Variants in STXBP3 observed in about 807,000 individuals in gnomAD.
STXBP3 encodes the protein syntaxin binding protein 3.
A neutral mutation model predicts 85.7 loss-of-function variants in STXBP3; 41 were observed. The ratio of observed to expected loss-of-function variants is 0.48; its 90% CI spans 0.37 to 0.62. STXBP3 has a LOEUF of 0.62. Among genes scored for constraint, STXBP3 ranks in the 20% least tolerant of loss-of-function variants. The pLI, the probability that STXBP3 is intolerant of heterozygous loss-of-function variation, is 0.00. For synonymous variants in STXBP3, 229 were observed against 231.7 expected, an observed-to-expected ratio of 0.99 and a Z score of 0.10; for missense variants, 563 against 703.1, an observed-to-expected ratio of 0.80 and a Z score of 2.25.
At chr1:108,776,469 A>G in intron 8 of STXBP3, 46 bp downstream of exon 8, 2 of 1,429,376 alleles carry the variant, frequency 1.4e-6, no homozygotes, top group Admixed American at 2.1e-5. Context: ...AGTCTGTCTT[A>G]TTTCTTTATA....
intron 17 of STXBP3, among the ~76,000 whole-genome samples, chr1:108,807,122 C>G (rs1339253770): frequency 6.6e-6 from 1 of 152,152 alleles, no homozygotes; most frequent in East Asian, 1.9e-4. Flanking sequence ...CATGGTGGCA[C>G]ATGCCTGTAA....
At chr1:108,791,926 A>G (rs1054864349) in intron 11 of STXBP3, among the ~76,000 whole-genome samples, 11 of 152,282 alleles carry the variant, frequency 7.2e-5, no homozygotes, top group Admixed American at 6.5e-4. Context: ...ATTTAGCATA[A>G]TGCATTTGAG....
intron 6 of STXBP3, among the ~76,000 whole-genome samples, chr1:108,770,424 G>A (rs1662364024): frequency 6.6e-6 from 1 of 152,138 alleles, no homozygotes; most frequent in East Asian, 1.9e-4. Context: ...CCTGCTGTGG[G>A]ATATTATACT....
intron 11 of STXBP3, among the ~76,000 whole-genome samples, chr1:108,791,621 G>A (rs1168593160): frequency 6.6e-6 from 1 of 151,428 alleles, no homozygotes; most frequent in Non-Finnish European, 1.5e-5. Flanking sequence ...GTTGTATTCA[G>A]TCTGCTATTA....
chr1:108,750,380 A>G (rs1283249025), intron 1 of STXBP3, among the ~76,000 whole-genome samples: 1 of 152,158 alleles, frequency 6.6e-6, no homozygotes. Context: ...GACTTTCACC[A>G]TAATTCTCAT....
At chr1:108,778,735 T>C (rs1767023) in intron 8 of STXBP3, among the ~76,000 whole-genome samples, 107,211 of 152,118 alleles carry the variant, frequency 0.7, 38,782 homozygotes, top group Non-Finnish European at 0.77. Context: ...AAAATAGATA[T>C]AGTGCAAACA....
chr1:108,799,381 A>G (rs903569985), intron 16 of STXBP3, among the ~76,000 whole-genome samples: 11 of 152,164 alleles, frequency 7.2e-5, no homozygotes, highest in African/African-American at 2.2e-4. Flanking sequence ...TCAGTTTACC[A>G]TGGCTAGTAT....
intron 16 of STXBP3, 61 bp from the exon 17 acceptor site, chr1:108,800,159 T>C: frequency 8.2e-7 from 1 of 1,213,290 alleles, no homozygotes; most frequent in Non-Finnish European, 1.2e-6. Flanking sequence ...TTGACCTTTA[T>C]GCCAAACAAA....
Position 108,760,017 on chromosome 1 carries a change from G to C in STXBP3, c.370G>C (p.Ala124Pro). Reference sequence around the variant, plus strand: ...TGATAATCTCTTTAACAAAATTAAGGCTTCTTGCTCCAAGTCAATAAGAAG... The same window carrying C: ...TGATAATCTCTTTAACAAAATTAAGCCTTCTTGCTCCAAGTCAATAAGAAG... ...CPDNLFNKIK[A>P]SCSKSIRRCK... Residue 124 changes from alanine (A) to proline (P), a missense_variant, in exon 6 of 19, where the codon GCT (alanine) becomes CCT (proline). Ala to Pro is a conservative substitution (Grantham distance 27, BLOSUM62 -1). Transcript: ENST00000370008. The C allele has an allele frequency of 1.3e-6, 2 of 1,575,810 alleles. No homozygotes were observed. The highest frequency in any genetic ancestry group is 1.7e-6 in the Non-Finnish European group (2 of 1,165,914).
At chr1:108,765,297 G>T (rs930394239) in intron 6 of STXBP3, among the ~76,000 whole-genome samples, 1 of 152,202 alleles carries the variant, frequency 6.6e-6, no homozygotes, top group Non-Finnish European at 1.5e-5. Context: ...CATCACATGG[G>T]TGCAACCATT....
chr1:108,805,931 A>T (rs17619934), intron 17 of STXBP3, among the ~76,000 whole-genome samples: 12,919 of 152,238 alleles, frequency 0.085, 774 homozygotes, highest in Non-Finnish European at 0.12. Context: ...TTGCTATGAG[A>T]TCCTATACTG....
intron 3 of STXBP3, among the ~76,000 whole-genome samples, chr1:108,754,033 CTT>C (rs35931069): frequency 1.0e-4 from 14 of 133,746 alleles, no homozygotes; most frequent in Admixed American, 7.6e-5. Flanking sequence ...ATAAAATAAT[CTT>C]TTTTTTTTTT....
intron 6 of STXBP3, chr1:108,767,362 G>T: frequency 4.1e-6 from 1 of 241,016 alleles, no homozygotes. Flanking sequence ...TCCTCCCATT[G>T]TGAAGTCCTT....
chr1:108,808,654 CT>C, intron 18 of STXBP3, 128 bp from the exon 19 acceptor site: 2 of 730,486 alleles, frequency 2.7e-6, no homozygotes, highest in East Asian at 2.6e-5. Flanking sequence ...AGGAAGATGT[CT>C]TACAGAAATT....
chr1:108,764,701 AGTGT>A (rs1662220594), intron 6 of STXBP3, among the ~76,000 whole-genome samples: 1 of 152,128 alleles, frequency 6.6e-6, no homozygotes, highest in Non-Finnish European at 1.5e-5. Context: ...TCTTTTGAAA[AGTGT>A]TGATATCCTT....
intron 8 of STXBP3, 120 bp from the exon 9 acceptor site, chr1:108,779,165 GT>G: frequency 1.9e-6 from 2 of 1,055,190 alleles, no homozygotes; most frequent in Non-Finnish European, 2.7e-6. Context: ...TCTGTTGTAT[GT>G]TTTTGGTGGG....
Position 108,794,866 on chromosome 1 carries a change from A to G in STXBP3, c.1069A>G (p.Lys357Glu). Residue 357 changes from lysine (K) to glutamate (E), a missense_variant, in exon 13 of 19, where the codon AAG becomes GAG. Physicochemically the swap from Lys to Glu is moderately conservative, Grantham distance 56. Transcript: ENST00000370008. ...HLNLAEDCMN[K>E]FKLNIEKLCK... is the part of the protein sequence containing the mutation. ...TAACTTAGCAGAAGATTGCATGAAT[A>G]AGTTCAAGCTTAATATAGAAAAGCT... 10 of 1,610,670 alleles carry G rather than the reference A, an allele frequency of 6.2e-6. No individual in the cohort carries two copies. The highest frequency in any genetic ancestry group is 7.6e-6 in the Non-Finnish European group (9 of 1,178,160).
chr1:108,799,887 G>T (rs532691742), intron 16 of STXBP3, among the ~76,000 whole-genome samples: 4 of 152,214 alleles, frequency 2.6e-5, no homozygotes, highest in Admixed American at 2.6e-4. Flanking sequence ...GAAGGGCAAA[G>T]CTTTAGAAGT....
At chr1:108,774,532 A>G (rs1325335146) in intron 7 of STXBP3, among the ~76,000 whole-genome samples, 3 of 152,056 alleles carry the variant, frequency 2.0e-5, no homozygotes, top group Non-Finnish European at 4.4e-5. Context: ...TAGAAAAAGT[A>G]TAGTGATCTC....
Sources: gnomAD v4.1 joint callset for allele counts (sites outside exome capture counted in the v4.1 genomes callset) on GRCh38, gnomAD v4.1.1 for gene constraint, MANE v1.5 for transcripts, NCBI Gene and HGNC (gene_info 2026-07-23, HGNC 2026-07-21) for gene names.